METTL15: variants seen among roughly 807,000 people sequenced by gnomAD.
METTL15 encodes methyltransferase 15, mitochondrial 12S rRNA N4-cytidine.
In METTL15, 34 loss-of-function variants were observed where a neutral mutation model predicts 38.3. The ratio of observed to expected loss-of-function variants is 0.89; its 90% CI spans 0.68 to 1.18. The LOEUF (loss-of-function observed/expected upper bound fraction) is 1.18. Ranked by LOEUF, METTL15 falls within the 50% of genes most tolerant of loss-of-function variation. The pLI, the probability that METTL15 is intolerant of heterozygous loss-of-function variation, is 0.00. For synonymous variants in METTL15, 162 were observed against 170.9 expected (o/e 0.95, Z 0.41); for missense variants, 438 against 498.4 (o/e 0.88, Z 1.15).
intron 3 of METTL15, among the ~76,000 whole-genome samples, chr11:28,123,304 C>A (rs1277184462): frequency 6.6e-6 from 1 of 152,040 alleles, no homozygotes; most frequent in African/African-American, 2.4e-5. Context: ...CATTGTTCCC[C>A]TAAGTTGCAT....
chr11:28,357,051 T>C (rs1850096791), intron 4 of METTL15, among the ~76,000 whole-genome samples: 1 of 152,192 alleles, frequency 6.6e-6, no homozygotes, highest in Non-Finnish European at 1.5e-5. Context: ...ACATCCTGGC[T>C]CAGTACACAC....
intron 6 of METTL15, among the ~76,000 whole-genome samples, chr11:28,469,174 C>G (rs1259336338): frequency 6.6e-6 from 1 of 152,128 alleles, no homozygotes; most frequent in Non-Finnish European, 1.5e-5. Flanking sequence ...TTGGTTGGGT[C>G]AGTTTCTGAT....
At chr11:28,150,108 G>C (rs1565125792) in intron 3 of METTL15, among the ~76,000 whole-genome samples, 1 of 151,872 alleles carries the variant, frequency 6.6e-6, no homozygotes. Context: ...AGGTTTGAAA[G>C]GTTTAATCAG....
intron 3 of METTL15, among the ~76,000 whole-genome samples, chr11:28,181,327 A>G (rs890602074): frequency 1.4e-5 from 2 of 142,112 alleles, no homozygotes; most frequent in African/African-American, 5.2e-5. Flanking sequence ...TTACATAGGT[A>G]TATACGTGCC....
At chr11:28,531,349 G>A (rs1229703391), downstream of METTL15, among the ~76,000 whole-genome samples, 3 of 151,868 alleles carry the variant, frequency 2.0e-5, no homozygotes, top group African/African-American at 7.2e-5. Flanking sequence ...ATCCTTGATA[G>A]CTCTAATTTC....
intron 3 of METTL15, among the ~76,000 whole-genome samples, chr11:28,115,420 G>A (rs1003793270): frequency 5.3e-5 from 8 of 151,704 alleles, no homozygotes; most frequent in Non-Finnish European, 1.0e-4. Context: ...CACCACGCCC[G>A]GCTAATTTCG....
chr11:28,513,126 C>T (rs1851690325), intron 6 of METTL15, among the ~76,000 whole-genome samples: 1 of 152,184 alleles, frequency 6.6e-6, no homozygotes, highest in Admixed American at 6.5e-5. Context: ...ACATTTTCTT[C>T]CAGACTCAAA....
At chr11:28,314,474 A>G (rs1857411624) in intron 6 of METTL15, among the ~76,000 whole-genome samples, 1 of 152,212 alleles carries the variant, frequency 6.6e-6, no homozygotes. Context: ...GCCCTGTAGA[A>G]TATTCATAAA....
intron 4 of METTL15, among the ~76,000 whole-genome samples, chr11:28,216,537 T>C (rs1477785604): frequency 6.6e-6 from 1 of 152,122 alleles, no homozygotes. Context: ...TTGGAGAGAC[T>C]ATATACACAA....
At chr11:28,137,368 TA>T (rs1439970942) in intron 3 of METTL15, among the ~76,000 whole-genome samples, 1 of 152,218 alleles carries the variant, frequency 6.6e-6, no homozygotes, top group African/African-American at 2.4e-5. Flanking sequence ...AATCTTTTAC[TA>T]AAAACACATT....
intron 3 of METTL15, among the ~76,000 whole-genome samples, chr11:28,188,082 CT>C (rs1247547243): frequency 6.6e-6 from 1 of 151,186 alleles, no homozygotes; most frequent in Non-Finnish European, 1.5e-5. Context: ...TATTCATTGC[CT>C]TTCTTTCCAC....
Position 28,229,152 on chromosome 11 carries a change from T to A in METTL15, c.407+17954T>A, listed in dbSNP as rs1008481437. On this transcript the variant is annotated intron_variant, in intron 4 of 6. Transcript: ENST00000407364. ...TATCATAACATTGTTTAATAAATGTTAGTTATAATTGCTTTTAGAATTATC... is the reference window on the plus strand; with the variant it reads ...TATCATAACATTGTTTAATAAATGTAAGTTATAATTGCTTTTAGAATTATC... 2.6e-5 allele frequency among the ~76,000 whole-genome samples: 4 copies of A among 152,132 alleles called. No homozygotes were observed. The East Asian group carries it at 7.7e-4, about 29-fold the overall frequency.
At chr11:28,359,014 G>A (rs10835313) in intron 4 of METTL15, among the ~76,000 whole-genome samples, 61,556 of 151,922 alleles carry the variant, frequency 0.41, 14,276 homozygotes, top group Admixed American at 0.52. Flanking sequence ...TTTGGGGTAT[G>A]AAATGATCCT....
intron 3 of METTL15, among the ~76,000 whole-genome samples, chr11:28,178,366 G>A (rs1371654325): frequency 6.6e-6 from 1 of 151,834 alleles, no homozygotes; most frequent in East Asian, 1.9e-4. Flanking sequence ...AATTTACTTT[G>A]TCTCCATTTT....
At chr11:28,215,992 A>T (rs946445157) in intron 4 of METTL15, among the ~76,000 whole-genome samples, 8 of 152,170 alleles carry the variant, frequency 5.3e-5, no homozygotes, top group African/African-American at 1.9e-4. Flanking sequence ...GTGACAGAGC[A>T]AGATCCTGTC....
chr11:28,337,868 A>C (rs1849915930), downstream of METTL15, among the ~76,000 whole-genome samples: 1 of 152,108 alleles, frequency 6.6e-6, no homozygotes, highest in Non-Finnish European at 1.5e-5. Flanking sequence ...CACTGCTGAC[A>C]CAAGGATATT....
chr11:28,341,059 C>CT (rs768182407), intron 3 of METTL15, among the ~76,000 whole-genome samples: 2 of 152,116 alleles, frequency 1.3e-5, no homozygotes, highest in African/African-American at 2.4e-5. Flanking sequence ...TCTCAGCAAA[C>CT]TAACACAGGA....
At chr11:28,154,386 A>T (rs1385515042) in intron 3 of METTL15, among the ~76,000 whole-genome samples, 1 of 152,054 alleles carries the variant, frequency 6.6e-6, no homozygotes, top group Non-Finnish European at 1.5e-5. Flanking sequence ...CCTTGCCATG[A>T]ACGTGTTCTG....
intron 6 of METTL15, among the ~76,000 whole-genome samples, chr11:28,462,054 C>T (rs958824182): frequency 2.0e-5 from 3 of 152,008 alleles, no homozygotes; most frequent in African/African-American, 7.2e-5. Flanking sequence ...AAGCATTGAA[C>T]AATGTGACTC....
Sources: allele counts gnomAD v4.1 joint callset (sites outside exome capture counted in the v4.1 genomes callset), GRCh38; gene constraint gnomAD v4.1.1; transcripts MANE v1.5; gene names NCBI Gene and HGNC (gene_info 2026-07-23, HGNC 2026-07-21).